The following NIPAL2 variants were observed in gnomAD, a reference collection of about 807,000 sequenced individuals.
The protein encoded by NIPAL2 is NIPA like domain containing 2, also known as NIPA-like protein 2.
In NIPAL2, 43 loss-of-function variants were observed where a neutral mutation model predicts 48.9. The ratio of observed to expected loss-of-function variants is 0.88; its 90% CI spans 0.69 to 1.13. NIPAL2 has a LOEUF of 1.13. Ranked by LOEUF, NIPAL2 falls within the 50% of genes most tolerant of loss-of-function variation. The probability of loss-of-function intolerance (pLI) is 0.00; values close to 1 mark genes in which losing one functional copy is unlikely to be tolerated. For synonymous variants in NIPAL2, 167 were observed against 174.6 expected, an observed-to-expected ratio of 0.96 and a Z score of 0.34; for missense variants, 446 against 461.4, an observed-to-expected ratio of 0.97 and a Z score of 0.31.
At chr8:98,241,087 G>A (rs1812956455) in intron 3 of NIPAL2, among the ~76,000 whole-genome samples, 1 of 152,218 alleles carries the variant, frequency 6.6e-6, no homozygotes, top group Admixed American at 6.5e-5. Flanking sequence ...GAGTATTTGA[G>A]GGAAAAGAGA....
At chr8:98,236,563 GGAAA>G (rs1169467680) in intron 3 of NIPAL2, among the ~76,000 whole-genome samples, 10 of 152,084 alleles carry the variant, frequency 6.6e-5, no homozygotes, top group Non-Finnish European at 1.5e-4. Flanking sequence ...GAGATAGGAA[GGAAA>G]GAAAGAAGGA....
chr8:98,203,576 G>A (rs62522246), intron 7 of NIPAL2, among the ~76,000 whole-genome samples: 11,123 of 152,140 alleles, frequency 0.073, 663 homozygotes, highest in Non-Finnish European at 0.11. Context: ...GACATGCCAC[G>A]TGCCAAGAAA....
At chr8:98,282,296 G>A (rs537612051) in intron 1 of NIPAL2, among the ~76,000 whole-genome samples, 1 of 152,272 alleles carries the variant, frequency 6.6e-6, no homozygotes, top group African/African-American at 2.4e-5. Flanking sequence ...CCACGGATCC[G>A]TAGGCGGTGC....
At chr8:98,259,437 A>G (rs888944609) in intron 1 of NIPAL2, among the ~76,000 whole-genome samples, 3 of 152,230 alleles carry the variant, frequency 2.0e-5, no homozygotes, top group Non-Finnish European at 2.9e-5. Context: ...GGAAAGGTAT[A>G]AACTATTACA....
chr8:98,245,206 A>G (rs1358110340), intron 3 of NIPAL2, among the ~76,000 whole-genome samples: 1 of 152,212 alleles, frequency 6.6e-6, no homozygotes. Flanking sequence ...AGTCACAATC[A>G]AGCTCCAAAC....
intron 5 of NIPAL2, chr8:98,217,338 C>T (rs1563495040): frequency 2.2e-6 from 2 of 914,648 alleles, no homozygotes; most frequent in African/African-American, 2.0e-5. Context: ...CAGTGGGTGC[C>T]GCACTATTAT....
At chr8:98,237,360 C>T (rs1812772330) in intron 3 of NIPAL2, among the ~76,000 whole-genome samples, 1 of 152,028 alleles carries the variant, frequency 6.6e-6, no homozygotes, top group African/African-American at 2.4e-5. Flanking sequence ...CCTTATTTCA[C>T]TCTTTGTTAG....
intron 1 of NIPAL2, among the ~76,000 whole-genome samples, chr8:98,286,379 G>T (rs755087408): frequency 6.6e-6 from 1 of 152,186 alleles, no homozygotes; most frequent in Non-Finnish European, 1.5e-5. Flanking sequence ...CCAAGCTCAG[G>T]GTGGGTCTCT....
chr8:98,206,820 AGATCAGGT>A (rs1340491690), intron 6 of NIPAL2, among the ~76,000 whole-genome samples: 1 of 151,564 alleles, frequency 6.6e-6, no homozygotes. Flanking sequence ...TTGACAGAGG[AGATCAGGT>A]GATAAATTCT....
intron 4 of NIPAL2, among the ~76,000 whole-genome samples, chr8:98,224,676 A>G (rs1449923494): frequency 6.6e-6 from 1 of 150,912 alleles, no homozygotes; most frequent in Non-Finnish European, 1.5e-5. Context: ...TTTACAGGGT[A>G]TATTTCACTG....
chr8:98,252,339 T>C, intron 3 of NIPAL2, 124 bp downstream of exon 3: 1 of 884,266 alleles, frequency 1.1e-6, no homozygotes, highest in Non-Finnish European at 1.6e-6. Context: ...TTGTTCCATG[T>C]TAACGTGATA....
At chr8:98,283,121 C>A (rs1352582347) in intron 1 of NIPAL2, among the ~76,000 whole-genome samples, 1 of 152,192 alleles carries the variant, frequency 6.6e-6, no homozygotes, top group Non-Finnish European at 1.5e-5. Context: ...ATATTGCCTT[C>A]CCATGCAATT....
chr8:98,260,044 C>T (rs184450582), intron 1 of NIPAL2, among the ~76,000 whole-genome samples: 3 of 152,168 alleles, frequency 2.0e-5, no homozygotes, highest in Non-Finnish European at 2.9e-5. Context: ...GAGTGGAGTG[C>T]GGATACTGTG....
At chr8:98,293,870 C>G (rs2130933451) in intron 1 of NIPAL2, 133 bp downstream of exon 1, 1 of 843,394 alleles carries the variant, frequency 1.2e-6, no homozygotes. Context: ...TTGCATGTCA[C>G]CTCTTCCCAC....
chr8:98,271,229 G>A (rs1815104471), intron 1 of NIPAL2, among the ~76,000 whole-genome samples: 1 of 151,924 alleles, frequency 6.6e-6, no homozygotes. Flanking sequence ...CTAATTCTGT[G>A]GAAAATGACA....
At chr8:98,219,563 A>G (rs545858923) in intron 5 of NIPAL2, among the ~76,000 whole-genome samples, 1 of 151,946 alleles carries the variant, frequency 6.6e-6, no homozygotes. Flanking sequence ...ATGGAGAGGA[A>G]TTTACTTCCC....
intron 4 of NIPAL2, 41 bp from the exon 5 acceptor site, chr8:98,222,641 C>G: frequency 1.2e-6 from 2 of 1,605,992 alleles, no homozygotes; most frequent in Non-Finnish European, 1.7e-6. Flanking sequence ...TTGAAACCAA[C>G]CTAAAGCTTT....
At chr8:98,212,534 A>G in intron 5 of NIPAL2, 33 bp from the exon 6 acceptor site, 1 of 1,089,548 alleles carries the variant, frequency 9.2e-7, no homozygotes, top group Non-Finnish European at 1.4e-6. Flanking sequence ...AGAGTAAGTT[A>G]TTCTATGCAA....
intron 4 of NIPAL2, among the ~76,000 whole-genome samples, chr8:98,226,635 C>T (rs959607839): frequency 9.2e-5 from 14 of 152,024 alleles, no homozygotes; most frequent in African/African-American, 2.9e-4. Flanking sequence ...TCCTGAATTG[C>T]CTGGAGTTGG....
Sources: allele counts gnomAD v4.1 joint callset (sites outside exome capture counted in the v4.1 genomes callset), GRCh38; gene constraint gnomAD v4.1.1; transcripts MANE v1.5; gene names NCBI Gene and HGNC (gene_info 2026-07-23, HGNC 2026-07-21).